Variants in MEGF9 observed in about 807,000 individuals in gnomAD.
MEGF9 encodes the protein multiple epidermal growth factor-like domains protein 9.
MEGF9 carries 6 observed loss-of-function variants against 46.8 expected under a neutral mutation model. The observed-to-expected ratio is 0.13, with a 90% CI of 0.07 to 0.25. MEGF9 has a LOEUF of 0.25. MEGF9 is among the 10% of genes least tolerant of loss of function. The pLI, the probability that MEGF9 is intolerant of heterozygous loss-of-function variation, is 1.00. For missense variants in MEGF9, 683 were observed against 792.4 expected (o/e 0.86, Z 1.66); for synonymous variants, 302 against 330.7 (o/e 0.91, Z 0.94).
At chr9:120,660,702 T>C (rs1412422637) in intron 1 of MEGF9, among the ~76,000 whole-genome samples, 1 of 152,218 alleles carries the variant, frequency 6.6e-6, no homozygotes, top group African/African-American at 2.4e-5. Flanking sequence ...ACTGCCTCTA[T>C]TCATTTTATC....
chr9:120,698,942 A>G (rs1048079196), intron 1 of MEGF9, among the ~76,000 whole-genome samples: 11 of 152,184 alleles, frequency 7.2e-5, no homozygotes, highest in African/African-American at 2.7e-4. Flanking sequence ...GTCTTCTCTC[A>G]TCACAGTATT....
At chr9:120,686,061 G>A (rs969959866) in intron 1 of MEGF9, among the ~76,000 whole-genome samples, 51 of 151,904 alleles carry the variant, frequency 3.4e-4, no homozygotes, top group African/African-American at 1.2e-3. Flanking sequence ...AAGAGCTTGG[G>A]GGAAGGGGAA....
rs1306331353 is a variant in MEGF9, at chr9:120,628,465, G to GTCGTT, written c.804-5711_804-5710insAACGA. Among the ~76,000 whole-genome samples, 38 of 52,728 alleles carry GTCGTT rather than the reference G, an allele frequency of 7.2e-4. 2 individuals carry two copies. The highest frequency in any genetic ancestry group is 9.7e-4 in the Non-Finnish European group (24 of 24,868). The allele number at this position is 52,728 out of a possible 152,430, so 34.6% of individuals were successfully genotyped here. A position where few individuals can be genotyped will look rare whatever the true frequency, so the allele number is the denominator to read the frequency against. ...CCATATTCAGACAGAAATTCTTGTCGTTGTTTTTTTTTTTTTTTTTTTTTT... is the reference window on the plus strand; with the variant it reads ...CCATATTCAGACAGAAATTCTTGTCGTCGTTTTGTTTTTTTTTTTTTTTTTTTTTT... On this transcript the variant is annotated intron_variant, in intron 2 of 5. Coordinates refer to ENST00000373930, the MANE Select transcript of MEGF9 (RefSeq NM_001080497.3).
At chr9:120,684,460 C>A (rs1356579562) in intron 1 of MEGF9, among the ~76,000 whole-genome samples, 1 of 152,166 alleles carries the variant, frequency 6.6e-6, no homozygotes, top group Non-Finnish European at 1.5e-5. Context: ...AGGGGGTTAT[C>A]TTACTTTGTG....
At chr9:120,701,337 C>A (rs1353761450) in intron 1 of MEGF9, among the ~76,000 whole-genome samples, 1 of 152,136 alleles carries the variant, frequency 6.6e-6, no homozygotes, top group Non-Finnish European at 1.5e-5. Context: ...AATAAGTTTT[C>A]AGACTCAGTT....
intron 1 of MEGF9, among the ~76,000 whole-genome samples, chr9:120,661,160 C>T (rs1198302514): frequency 2.0e-5 from 3 of 152,220 alleles, no homozygotes; most frequent in Non-Finnish European, 4.4e-5. Flanking sequence ...CAGTTCCTAA[C>T]CTTTGGTGTC....
intron 2 of MEGF9, among the ~76,000 whole-genome samples, chr9:120,650,200 G>A (rs746978477): frequency 4.6e-5 from 7 of 152,138 alleles, no homozygotes; most frequent in East Asian, 1.9e-4. Context: ...CACGGGAGGC[G>A]GAGGTTGTAG....
rs62578014 is a variant in MEGF9 at position 120,669,318 on chromosome 9, A to T, written c.602-9743T>A. Among the ~76,000 whole-genome samples, 873 of 152,322 alleles carry T rather than the reference A, an allele frequency of 5.7e-3. 5 individuals carry two copies. Among genetic ancestry groups the T allele is most frequent in the Non-Finnish European group, 8.4e-3 (570 of 68,016 alleles). On this transcript the variant is annotated intron_variant, in intron 1 of 5. Transcript: ENST00000373930. ...GCACAGTACTGATCAGTAAATAGCT[A>T]TAAATGTCTGTTCAAATCAGATTCC...
At chr9:120,683,841 C>T (rs1402523351) in intron 1 of MEGF9, among the ~76,000 whole-genome samples, 1 of 151,760 alleles carries the variant, frequency 6.6e-6, no homozygotes, top group Non-Finnish European at 1.5e-5. Flanking sequence ...CTGCAGTGAG[C>T]CATGATCATA....
intron 2 of MEGF9, among the ~76,000 whole-genome samples, chr9:120,625,401 G>C (rs2043519516): frequency 6.6e-6 from 1 of 152,140 alleles, no homozygotes; most frequent in African/African-American, 2.4e-5. Flanking sequence ...CAGGGAGCCA[G>C]AAGTGCTGAC....
chr9:120,692,012 T>C (rs1372195132), intron 1 of MEGF9, among the ~76,000 whole-genome samples: 1 of 152,208 alleles, frequency 6.6e-6, no homozygotes, highest in Non-Finnish European at 1.5e-5. Flanking sequence ...GTTAAATACT[T>C]CTTATCTTCG....
chr9:120,612,467 C>A lies in MEGF9; in HGVS notation c.1016G>T (p.Ser339Ile), dbSNP rs981337691. 1 of 1,613,612 alleles carries A rather than the reference C, an allele frequency of 6.2e-7. No homozygotes were observed. Among genetic ancestry groups the A allele is most frequent in the Non-Finnish European group, 8.5e-7 (1 of 1,179,668 alleles). ...CEECKEGFYQ[S>I]PDATKECLRC... Reference sequence around the variant, plus strand: ...AAGACATTCTTTAGTGGCATCAGGACTCTGATAAAATCCTTCTTTACATTC... The same window carrying A: ...AAGACATTCTTTAGTGGCATCAGGAATCTGATAAAATCCTTCTTTACATTC... The change falls in exon 4 of 6, where the codon AGT (serine) becomes ATT (isoleucine). Residue 339 changes from serine to isoleucine, a missense_variant. This residue lies in a region of MEGF9 where 313 missense variants were observed against 421.1 expected (regional missense o/e 0.74). Coordinates refer to ENST00000373930, the MANE Select transcript of MEGF9 (RefSeq NM_001080497.3).
rs1349981064 is a variant in MEGF9, at chr9:120,701,110, C to A, written c.601+12648G>T. On this transcript the variant is annotated intron_variant, in intron 1 of 5. Coordinates refer to ENST00000373930, the MANE Select transcript of MEGF9 (RefSeq NM_001080497.3). ...CTCCAGGCTGGGTGACAGAGTGTGA[C>A]CCTGTCTCAAAAAAAAGAAAAAAAA... is the stretch of plus-strand genomic sequence containing the variant. Among the ~76,000 whole-genome samples the A allele has an allele frequency of 2.0e-5, 3 of 149,256 alleles. No individual in the cohort carries two copies. The East Asian group carries it at 5.8e-4, about 29-fold the overall frequency.
chr9:120,672,823 A>C (rs1357396733), intron 1 of MEGF9, among the ~76,000 whole-genome samples: 1 of 152,212 alleles, frequency 6.6e-6, no homozygotes, highest in Non-Finnish European at 1.5e-5. Flanking sequence ...CAGGAGTTCA[A>C]GACCAGCCTG....
At chr9:120,660,077 T>G (rs1314993199) in intron 1 of MEGF9, among the ~76,000 whole-genome samples, 2 of 151,718 alleles carry the variant, frequency 1.3e-5, no homozygotes, top group Non-Finnish European at 2.9e-5. Flanking sequence ...AAGGAAATGA[T>G]GAACAATAAA....
Position 120,713,924 on chromosome 9 carries a change from C to T in MEGF9, c.435G>A (p.Pro145=), listed in dbSNP as rs753023311. ...GGCCAGTGGTCGTCGAAAGGGTGGTCGGCGCGGGTCTGGTCGGCGCCTGAG... is the reference window on the plus strand; with the variant it reads ...GGCCAGTGGTCGTCGAAAGGGTGGTTGGCGCGGGTCTGGTCGGCGCCTGAG... The part of the protein sequence containing the change: ...TTSQAPTRPA[P]TTLSTTTGPA... The change falls in exon 1 of 6, where the codon CCG becomes CCA. Residue 145 remains proline, a synonymous_variant. Coordinates refer to ENST00000373930, the MANE Select transcript of MEGF9 (RefSeq NM_001080497.3). The T allele has an allele frequency of 7.5e-7, 1 of 1,341,988 alleles. No individual in the cohort carries two copies. Among genetic ancestry groups the T allele is most frequent in the Admixed American group, 2.9e-5 (1 of 33,930 alleles). The allele number at this position is 1,341,988 out of a possible 1,614,324, so 83.1% of individuals were successfully genotyped here.
chr9:120,689,060 C>T (rs775122050), intron 1 of MEGF9, among the ~76,000 whole-genome samples: 1 of 151,890 alleles, frequency 6.6e-6, no homozygotes, highest in Non-Finnish European at 1.5e-5. Flanking sequence ...TGTTCTTATA[C>T]AGCTTAATGT....
At chr9:120,648,919 A>T (rs1213994023) in intron 2 of MEGF9, among the ~76,000 whole-genome samples, 6 of 152,156 alleles carry the variant, frequency 3.9e-5, no homozygotes, top group Non-Finnish European at 8.8e-5. Flanking sequence ...GCACATTCCC[A>T]CAATTAAAAT....
chr9:120,605,659 G>C lies in MEGF9; in HGVS notation c.1358-18C>G. Reference sequence around the variant, plus strand: ...AATAACTTCTGAAAATAAAAACAGAGAATGAAATGTAAAAGACAAAATTAT... The same window carrying C: ...AATAACTTCTGAAAATAAAAACAGACAATGAAATGTAAAAGACAAAATTAT... On this transcript the variant is annotated intron_variant, in intron 5 of 5. Transcript: ENST00000373930. This position sits in a 1 kb window ranked among gnomAD's most constrained non-coding sequence, Gnocchi z 4.0. 6.6e-7 allele frequency: 1 copy of C among 1,506,328 alleles called. No individual in the cohort carries two copies. The highest frequency in any genetic ancestry group is 8.9e-7 in the Non-Finnish European group (1 of 1,121,130). 93.3% of individuals were successfully genotyped at this position (1,506,328 alleles called of 1,614,324 possible). A position where few individuals can be genotyped will look rare whatever the true frequency, so the allele number is the denominator to read the frequency against.
Sources: gnomAD v4.1 joint callset for allele counts (sites outside exome capture counted in the v4.1 genomes callset) on GRCh38, gnomAD v4.1.1 for gene constraint, gnomAD v4.1.1 regional missense constraint, Gnocchi (gnomAD v3.1) non-coding constraint, MANE v1.5 for transcripts, NCBI Gene and HGNC (gene_info 2026-07-23, HGNC 2026-07-21) for gene names.